Variants in UNC5D observed in about 807,000 individuals in gnomAD.
UNC5D encodes unc-5 netrin receptor D, also known as netrin receptor UNC5D.
Under a neutral mutation model 105.4 loss-of-function variants are expected in UNC5D, and 39 were observed. That is an observed-to-expected ratio of 0.37 (90% confidence interval 0.29 to 0.48). The LOEUF is 0.48. Ranked by LOEUF, UNC5D falls within the 20% of genes least tolerant of loss-of-function variation. UNC5D has a pLI of 0.98. For synonymous variants in UNC5D, 452 were observed against 450.4 expected (o/e 1.00, Z -0.04); for missense variants, 991 against 1,202.4 (o/e 0.82, Z 2.60).
At chr8:35,454,841 A>C (rs530714583) in intron 1 of UNC5D, among the ~76,000 whole-genome samples, 88 of 152,182 alleles carry the variant, frequency 5.8e-4, no homozygotes, top group African/African-American at 2.0e-3. Flanking sequence ...AAAGGAAAAA[A>C]TTTTCCTATC....
rs113934774 is a variant in UNC5D at position 35,574,873 on chromosome 8, A to AT, written c.466+6642dup. Among the ~76,000 whole-genome samples, 567 of 148,364 alleles carry AT rather than the reference A, an allele frequency of 3.8e-3. 5 individuals are homozygous for AT. Among genetic ancestry groups the AT allele is most frequent in the African/African-American group, 0.012 (486 of 40,504 alleles). On this transcript the variant is annotated intron_variant, in intron 3 of 16. Transcript: ENST00000404895. ...TTTCCCCTCCTTGACTTGCTTATCT[A>AT]TTTTTTTTTTATCCTTGGAACATAT...
Position 35,793,146 on chromosome 8 carries a change from T to G in UNC5D, c.*2583T>G. ...CTTTTACTTATTGCTGCTAGGATCC[T>G]ACATAGGATTTCTATAGAAATGTAT... is the stretch of plus-strand genomic sequence containing the variant. On this transcript the variant is annotated 3_prime_UTR_variant, in exon 17 of 17. Transcript: ENST00000404895. 2.2e-6 allele frequency: 1 copy of G among 456,148 alleles called. No homozygotes were observed. 28.3% of individuals were successfully genotyped at this position (456,148 alleles called of 1,614,324 possible).
chr8:35,568,256 G>C lies in UNC5D; in HGVS notation c.466+15G>C. On this transcript the variant is annotated intron_variant, in intron 3 of 16. Transcript: ENST00000404895. ...GCGCATAGCCTGTAAGTACATTCTGGGTGACCTTGTCTTGTAGGACCACAA... is the reference window on the plus strand; with the variant it reads ...GCGCATAGCCTGTAAGTACATTCTGCGTGACCTTGTCTTGTAGGACCACAA... The C allele has an allele frequency of 6.2e-7, 1 of 1,612,252 alleles. No individual in the cohort carries two copies. Among genetic ancestry groups the C allele is most frequent in the Non-Finnish European group, 8.5e-7 (1 of 1,178,950 alleles).
intron 1 of UNC5D, among the ~76,000 whole-genome samples, chr8:35,354,075 A>G (rs1480405582): frequency 2.6e-5 from 4 of 152,166 alleles, no homozygotes; most frequent in Admixed American, 2.6e-4. Context: ...GACTGCCTAC[A>G]GCAACTTGTT....
intron 3 of UNC5D, among the ~76,000 whole-genome samples, chr8:35,576,579 G>T (rs1448260155): frequency 1.3e-5 from 2 of 152,102 alleles, no homozygotes; most frequent in African/African-American, 4.8e-5. Flanking sequence ...CAATAAGTAG[G>T]TGAGATATGG....
intron 1 of UNC5D, among the ~76,000 whole-genome samples, chr8:35,368,394 T>C (rs923386007): frequency 7.9e-5 from 12 of 152,118 alleles, no homozygotes; most frequent in South Asian, 4.1e-4. Flanking sequence ...AATTAAGCCA[T>C]TTTAAAGATA....
At chr8:35,461,955 G>T (rs1273133395) in intron 1 of UNC5D, among the ~76,000 whole-genome samples, 3 of 152,142 alleles carry the variant, frequency 2.0e-5, no homozygotes, top group Non-Finnish European at 4.4e-5. Context: ...GGTTTTAGAG[G>T]TTCTTCAGTT....
intron 3 of UNC5D, among the ~76,000 whole-genome samples, chr8:35,591,567 C>T (rs1411352713): frequency 6.6e-6 from 1 of 151,958 alleles, no homozygotes; most frequent in African/African-American, 2.4e-5. Flanking sequence ...TTTTCTTCAG[C>T]TTGTTGTGTC....
At chr8:35,286,803 C>A (rs1416094875) in intron 1 of UNC5D, among the ~76,000 whole-genome samples, 1 of 152,148 alleles carries the variant, frequency 6.6e-6, no homozygotes, top group Admixed American at 6.5e-5. Flanking sequence ...CTGGCCTTGT[C>A]CACCTTGTGT....
chr8:35,249,473 G>A (rs576968695), intron 1 of UNC5D, among the ~76,000 whole-genome samples: 2 of 150,792 alleles, frequency 1.3e-5, no homozygotes, highest in African/African-American at 2.4e-5. Context: ...CAGGAGAATC[G>A]CTTGAACCTG....
chr8:35,447,259 T>G (rs897608787), intron 1 of UNC5D, among the ~76,000 whole-genome samples: 1 of 152,112 alleles, frequency 6.6e-6, no homozygotes, highest in African/African-American at 2.4e-5. Flanking sequence ...CTACAAAATA[T>G]GTACTAAAAT....
chr8:35,397,815 G>T (rs1324596760), intron 1 of UNC5D, among the ~76,000 whole-genome samples: 1 of 152,086 alleles, frequency 6.6e-6, no homozygotes, highest in East Asian at 1.9e-4. Flanking sequence ...ACTCCACCAA[G>T]AGCCTGAGAC....
intron 4 of UNC5D, among the ~76,000 whole-genome samples, chr8:35,603,011 A>AT (rs1485510275): frequency 6.6e-6 from 1 of 151,600 alleles, no homozygotes; most frequent in Admixed American, 6.6e-5. Context: ...GGATTCATTG[A>AT]TTTTTTTGAA....
chr8:35,683,170 G>A (rs945987469), intron 4 of UNC5D, among the ~76,000 whole-genome samples: 1 of 152,112 alleles, frequency 6.6e-6, no homozygotes, highest in Non-Finnish European at 1.5e-5. Flanking sequence ...ACATTTATAT[G>A]TTAATTTTCT....
intron 1 of UNC5D, among the ~76,000 whole-genome samples, chr8:35,545,257 G>A (rs930988454): frequency 2.0e-5 from 3 of 152,200 alleles, no homozygotes; most frequent in African/African-American, 4.8e-5. Flanking sequence ...CCAAAGAATA[G>A]AATCTGTCAG....
chr8:35,568,378 ATTT>A, intron 3 of UNC5D, 137 bp downstream of exon 3: 1 of 1,287,944 alleles, frequency 7.8e-7, no homozygotes. Context: ...CTAAAATGTT[ATTT>A]TAAAATGTTT....
chr8:35,360,222 C>T (rs1801786408), intron 1 of UNC5D, among the ~76,000 whole-genome samples: 1 of 152,134 alleles, frequency 6.6e-6, no homozygotes, highest in Non-Finnish European at 1.5e-5. Context: ...GTGCATATCT[C>T]ACCATGTCCC....
In UNC5D at chr8:35,305,577, T is replaced by TTCTCTTTCTTTC. The variant is rs1339138456; in HGVS notation, c.103+69691_103+69692insCTCTTTCTTTCT. Among the ~76,000 whole-genome samples the TTCTCTTTCTTTC allele has an allele frequency of 3.2e-3, 175 of 54,024 alleles. 1 individual carries two copies. The highest frequency in any genetic ancestry group is 0.01 in the African/African-American group (157 of 15,280). 35.4% of individuals were successfully genotyped at this position (54,024 alleles called of 152,430 possible). On this transcript the variant is annotated intron_variant, in intron 1 of 16. Transcript: ENST00000404895. ...TCTCTTCCTTCCTTTCTTTCTTTCT[T>TTCTCTTTCTTTC]TTTCTTTCTTTCTTTCTTTCTTTCT...
chr8:35,392,133 G>A (rs998741143), intron 1 of UNC5D, among the ~76,000 whole-genome samples: 1 of 152,104 alleles, frequency 6.6e-6, no homozygotes, highest in African/African-American at 2.4e-5. Flanking sequence ...CTTTCCAAAG[G>A]TTCTCTAGGG....
Sources: gnomAD v4.1 joint callset for allele counts (sites outside exome capture counted in the v4.1 genomes callset) on GRCh38, gnomAD v4.1.1 for gene constraint, MANE v1.5 for transcripts, NCBI Gene and HGNC (gene_info 2026-07-23, HGNC 2026-07-21) for gene names.